Variants in FANCD2 observed in about 807,000 individuals in gnomAD.
FANCD2 encodes Fanconi anemia group D2 protein.
FANCD2 carries 131 observed loss-of-function variants against 192.3 expected under a neutral mutation model. The ratio of observed to expected loss-of-function variants is 0.68; its 90% CI spans 0.59 to 0.79. The LOEUF (loss-of-function observed/expected upper bound fraction) is 0.79. FANCD2 is among the 30% of genes least tolerant of loss of function. The pLI is 0.00. For synonymous variants in FANCD2, 524 were observed against 612.5 expected (o/e 0.86, Z 2.13); for missense variants, 1,508 against 1,701.6 (o/e 0.89, Z 2.00).
At chr3:10,052,288 C>T in intron 17 of FANCD2, 99 bp from the exon 18 acceptor site, 1 of 784,912 alleles carries the variant, frequency 1.3e-6, no homozygotes, top group South Asian at 1.4e-5. Context: ...AGATACCTGG[C>T]TATCTATGTG....
rs1407465957 is a variant in FANCD2 at position 10,090,383 on chromosome 3, C to A, written c.3775C>A (p.Gln1259Lys). ...GCCTGGCACAGCAGCAGACTCGCAG[C>A]AGGTGAGTAAGATAATAGTCACTTC... is the stretch of plus-strand genomic sequence containing the variant. ...IEPGTAADSQ[Q>K]IHEEKLLYWN... Residue 1259 changes from glutamine to lysine, a missense_variant and splice_region_variant, in exon 37 of 44, where the codon CAG (glutamine) becomes AAG (lysine). By Grantham distance (53) the Gln-to-Lys change is moderately conservative. Coordinates refer to ENST00000675286, the MANE Select transcript of FANCD2 (RefSeq NM_001018115.3). The A allele has an allele frequency of 1.9e-6, 3 of 1,597,428 alleles. No individual in the cohort carries two copies. The highest frequency in any genetic ancestry group is 3.4e-5 in the Admixed American group (2 of 59,552).
At chr3:10,067,403 A>C in intron 26 of FANCD2, 86 bp downstream of exon 26, 1 of 778,062 alleles carries the variant, frequency 1.3e-6, no homozygotes, top group Non-Finnish European at 2.3e-6. Context: ...CCAAAACCAG[A>C]CAAAGACACA....
At chr3:10,053,288 G>A (rs568021164) in intron 18 of FANCD2, among the ~76,000 whole-genome samples, 10 of 150,318 alleles carry the variant, frequency 6.7e-5, no homozygotes, top group Admixed American at 3.4e-4. Context: ...ACAAAAAACC[G>A]CACACCGCAT....
rs113246607 is a variant in FANCD2, at chr3:10,089,297, G to A, written c.3683+347G>A. ...CGAAACTCCATCTCAAAAAAAAAAA[G>A]AATCATAATCACACTGTCCAACGTA... is the stretch of plus-strand genomic sequence containing the variant. On this transcript the variant is annotated intron_variant, in intron 36 of 43. Coordinates refer to ENST00000675286, the MANE Select transcript of FANCD2 (RefSeq NM_001018115.3). Among the ~76,000 whole-genome samples the A allele has an allele frequency of 1.2e-4, 18 of 149,898 alleles. 1 individual carries two copies. Among genetic ancestry groups the A allele is most frequent in the African/African-American group, 4.1e-4 (17 of 41,040 alleles).
chr3:10,040,619 T>C, intron 9 of FANCD2: 1 of 455,536 alleles, frequency 2.2e-6, no homozygotes, highest in South Asian at 1.6e-5. Flanking sequence ...AAAATAGTAA[T>C]TGGTAGGGAA....
chr3:10,074,702 T>G (rs1211237021), intron 29 of FANCD2, 29 bp downstream of exon 29: 2 of 1,609,996 alleles, frequency 1.2e-6, no homozygotes, highest in Non-Finnish European at 1.7e-6. Context: ...TCTCAGAATT[T>G]AATCTTCTTT....
chr3:10,054,372 T>G (rs2087316849), intron 18 of FANCD2, among the ~76,000 whole-genome samples: 1 of 111,782 alleles, frequency 8.9e-6, no homozygotes, highest in African/African-American at 4.9e-5. Flanking sequence ...TATATACGTG[T>G]ATATACATAT....
chr3:10,078,632 G>A (rs1693661234), intron 30 of FANCD2, among the ~76,000 whole-genome samples: 1 of 151,210 alleles, frequency 6.6e-6, no homozygotes. Context: ...GGGATTACGG[G>A]CATGAGCCAC....
In FANCD2 at chr3:10,062,171, CCCAAGAGAGAG is replaced by C; in HGVS notation, c.1792_1802del (p.Glu598ProfsTer4). 6.2e-7 allele frequency: 1 copy of C among 1,612,712 alleles called. No individual in the cohort carries two copies. The highest frequency in any genetic ancestry group is 8.5e-7 in the Non-Finnish European group (1 of 1,179,404). On this transcript the variant is annotated frameshift_variant, in exon 20 of 44. Transcript: ENST00000675286. LOFTEE classifies it high-confidence loss of function. ...TTTAGAAGTGAATCACCTAGTTTGA[CCCAAGAGAGAG>C]CCAACCTGAGCGATGAGCAGTGCAC...
chr3:10,032,253 G>C (rs918023566), intron 2 of FANCD2: 1 of 375,258 alleles, frequency 2.7e-6, no homozygotes, highest in Non-Finnish European at 5.2e-6. Context: ...ACATTTCTGT[G>C]GGTTATTCTT....
chr3:10,039,694 C>T (rs781223008), intron 8 of FANCD2, 27 bp from the exon 9 acceptor site: 3 of 1,613,694 alleles, frequency 1.9e-6, no homozygotes, highest in South Asian at 2.2e-5. Context: ...TAATGTGCTG[C>T]AGTTCTAATA....
At chr3:10,080,191 G>A (rs970011729) in intron 30 of FANCD2, among the ~76,000 whole-genome samples, 5 of 151,960 alleles carry the variant, frequency 3.3e-5, no homozygotes, top group Admixed American at 3.3e-4. Context: ...AGGATTACAG[G>A]CAAGAGCTAC....
chr3:10,073,003 T>C (rs1424522436), intron 27 of FANCD2, 22 bp downstream of exon 27: 1 of 1,334,322 alleles, frequency 7.5e-7, no homozygotes, highest in East Asian at 2.3e-5. Flanking sequence ...CTTTTCCTCT[T>C]GTCTTGTGTC....
intron 42 of FANCD2, 50 bp from the exon 43 acceptor site, chr3:10,098,670 C>G (rs1559410967): frequency 6.2e-6 from 10 of 1,604,544 alleles, no homozygotes; most frequent in Non-Finnish European, 8.5e-6. Flanking sequence ...CCCTATTACC[C>G]TAAATGTGAT....
intron 26 of FANCD2, 52 bp from the exon 27 acceptor site, chr3:10,072,819 A>T (rs1693328813): frequency 7.2e-6 from 7 of 967,542 alleles, no homozygotes; most frequent in South Asian, 6.4e-5. Context: ...TTCAAGTCTA[A>T]TGGTGGTGTG....
At chr3:10,051,607 A>C (rs2087221508) in intron 17 of FANCD2, among the ~76,000 whole-genome samples, 1 of 152,060 alleles carries the variant, frequency 6.6e-6, no homozygotes, top group South Asian at 2.1e-4. Context: ...AGCATCAAGG[A>C]GGAGAGAATA....
chr3:10,073,848 G>A (rs1693385433), intron 28 of FANCD2, among the ~76,000 whole-genome samples: 1 of 152,178 alleles, frequency 6.6e-6, no homozygotes, highest in Admixed American at 6.5e-5. Context: ...TAAGATCCAG[G>A]GAGGGCAAGT....
chr3:10,035,915 C>T (rs967523563), intron 6 of FANCD2, among the ~76,000 whole-genome samples: 6 of 151,918 alleles, frequency 3.9e-5, no homozygotes, highest in Non-Finnish European at 4.4e-5. Context: ...ATTATTTTAA[C>T]GTTGCCTTGA....
chr3:10,028,357 G>T (rs1379481607), intron 1 of FANCD2, among the ~76,000 whole-genome samples: 1 of 152,150 alleles, frequency 6.6e-6, no homozygotes, highest in African/African-American at 2.4e-5. Flanking sequence ...GATAATGGAG[G>T]GTCTTGAATC....
Sources: gnomAD v4.1 joint callset for allele counts (sites outside exome capture counted in the v4.1 genomes callset) on GRCh38, gnomAD v4.1.1 for gene constraint, MANE v1.5 for transcripts, NCBI Gene and HGNC (gene_info 2026-07-23, HGNC 2026-07-21) for gene names.